Variants in KLHL7 observed in about 807,000 individuals in gnomAD.
The protein encoded by KLHL7 is kelch like family member 7.
A neutral mutation model predicts 67.4 loss-of-function variants in KLHL7; 44 were observed. The ratio of observed to expected loss-of-function variants is 0.65; its 90% confidence interval spans 0.51 to 0.84. KLHL7 has a LOEUF of 0.84. KLHL7 is among the 40% of genes least tolerant of loss of function. The probability of loss-of-function intolerance (pLI) is 0.00; values close to 1 mark genes in which losing one functional copy is unlikely to be tolerated. For missense variants in KLHL7, 362 were observed against 718.1 expected, an observed-to-expected ratio of 0.50 and a Z score of 5.67; for synonymous variants, 252 against 243.3, an observed-to-expected ratio of 1.04 and a Z score of -0.33.
chr7:23,165,382 C>T (rs1452068290), intron 7 of KLHL7, among the ~76,000 whole-genome samples: 1 of 152,082 alleles, frequency 6.6e-6, no homozygotes, highest in Non-Finnish European at 1.5e-5. Flanking sequence ...ATTTTAGAAT[C>T]TTCTTGTATT....
rs556626844 is a variant in KLHL7, at chr7:23,105,796, G to T, written c.-231G>T. On this transcript the variant is annotated 5_prime_UTR_variant, in exon 1 of 11. Transcript: ENST00000339077. ...CCTGGGCAGGGCTCGGGTTCTGCCCGGGGACGCAGCCCAGTTGGTAGCGTC... is the reference window on the plus strand; with the variant it reads ...CCTGGGCAGGGCTCGGGTTCTGCCCTGGGACGCAGCCCAGTTGGTAGCGTC... 3.5e-6 allele frequency: 2 copies of T among 576,590 alleles called. No individual in the cohort carries two copies. The highest frequency in any genetic ancestry group is 6.1e-6 in the Non-Finnish European group (2 of 328,654). The allele number at this position is 576,590 out of a possible 1,614,324, so 35.7% of individuals were successfully genotyped here.
chr7:23,116,978 T>C (rs1783112952), intron 1 of KLHL7, among the ~76,000 whole-genome samples: 1 of 152,136 alleles, frequency 6.6e-6, no homozygotes, highest in Non-Finnish European at 1.5e-5. Flanking sequence ...AACTTAATTG[T>C]AATGGCCTAT....
At chr7:23,110,191 A>C (rs1782807596) in intron 1 of KLHL7, among the ~76,000 whole-genome samples, 3 of 152,234 alleles carry the variant, frequency 2.0e-5, no homozygotes, top group Admixed American at 6.5e-5. Context: ...TCAGCAGATC[A>C]CCTTCTTTTG....
chr7:23,129,586 T>C (rs1783719325), intron 4 of KLHL7: 1 of 204,798 alleles, frequency 4.9e-6, no homozygotes, highest in Non-Finnish European at 9.8e-6. Context: ...TCGACTACAT[T>C]GAATTCAACC....
chr7:23,159,332 TA>T (rs869266033), intron 7 of KLHL7, among the ~76,000 whole-genome samples: 1 of 151,978 alleles, frequency 6.6e-6, no homozygotes, highest in Non-Finnish European at 1.5e-5. Context: ...CATGGCCATT[TA>T]AAAAAAATTT....
At chr7:23,110,118 G>A (rs890233446) in intron 1 of KLHL7, among the ~76,000 whole-genome samples, 11 of 152,188 alleles carry the variant, frequency 7.2e-5, no homozygotes, top group Non-Finnish European at 1.5e-4. Flanking sequence ...ATCAGTGCCC[G>A]TGAGCAATCT....
rs2128454484 is a variant in KLHL7 at position 23,105,874 on chromosome 7, C to G, written c.-153C>G. On this transcript the variant is annotated 5_prime_UTR_variant, in exon 1 of 11. Coordinates refer to ENST00000339077, the MANE Select transcript of KLHL7 (RefSeq NM_001031710.3). ...CCCGGCCTTGTCTTTCGGCAGTGGC[C>G]GAGCCACCGCCGCCTGCCGCGCGTT... 2 of 1,203,682 alleles carry G rather than the reference C, an allele frequency of 1.7e-6. No individual in the cohort carries two copies. The highest frequency in any genetic ancestry group is 2.6e-5 in the East Asian group (1 of 38,896). The allele number at this position is 1,203,682 out of a possible 1,614,324, so 74.6% of individuals were successfully genotyped here. A position where few individuals can be genotyped will look rare whatever the true frequency, so the allele number is the denominator to read the frequency against.
intron 4 of KLHL7, among the ~76,000 whole-genome samples, chr7:23,140,001 A>G (rs1784121800): frequency 6.6e-6 from 1 of 152,090 alleles, no homozygotes; most frequent in South Asian, 2.1e-4. Flanking sequence ...TTGCCCATAA[A>G]CAGTACTTTG....
At chr7:23,158,729 C>A (rs1187947780) in intron 7 of KLHL7, among the ~76,000 whole-genome samples, 1 of 152,204 alleles carries the variant, frequency 6.6e-6, no homozygotes, top group Non-Finnish European at 1.5e-5. Flanking sequence ...TCCTCACACA[C>A]ACAGTGCGTG....
intron 6 of KLHL7, among the ~76,000 whole-genome samples, chr7:23,149,963 C>G (rs1468403406): frequency 2.6e-5 from 4 of 152,120 alleles, no homozygotes; most frequent in Non-Finnish European, 5.9e-5. Flanking sequence ...AATAAAGACC[C>G]AACATAGCCT....
At chr7:23,149,587 A>G (rs1359931444) in intron 6 of KLHL7, among the ~76,000 whole-genome samples, 1 of 152,244 alleles carries the variant, frequency 6.6e-6, no homozygotes, top group African/African-American at 2.4e-5. Context: ...TAGGATTTTC[A>G]ACACACTTCC....
At chr7:23,116,329 C>T (rs1482376743) in intron 1 of KLHL7, among the ~76,000 whole-genome samples, 1 of 152,238 alleles carries the variant, frequency 6.6e-6, no homozygotes, top group Non-Finnish European at 1.5e-5. Flanking sequence ...CAGCATGCTC[C>T]TCAAAACCTT....
chr7:23,167,834 A>G lies in KLHL7; in HGVS notation c.1178-2A>G, dbSNP rs759857784. On this transcript the variant is annotated splice_acceptor_variant, in intron 8 of 10. Coordinates refer to ENST00000339077, the MANE Select transcript of KLHL7 (RefSeq NM_001031710.3). LOFTEE classifies it high-confidence loss of function. ...GCATGATGGGGCCTTTTTCTTTTAC[A>G]GGAAACTCAGCTCTGTATTTATTTG... 6 of 1,613,946 alleles carry G rather than the reference A, an allele frequency of 3.7e-6. No homozygotes were observed. Among genetic ancestry groups the G allele is most frequent in the Admixed American group, 1.7e-5 (1 of 60,002 alleles).
At chr7:23,143,117 C>A (rs758125377) in intron 5 of KLHL7, among the ~76,000 whole-genome samples, 5 of 152,020 alleles carry the variant, frequency 3.3e-5, no homozygotes, top group South Asian at 2.1e-4. Flanking sequence ...AGAAGTTAGG[C>A]CTTATTAATA....
intron 6 of KLHL7, among the ~76,000 whole-genome samples, chr7:23,150,474 G>C (rs2128466510): frequency 6.6e-6 from 1 of 152,070 alleles, no homozygotes; most frequent in African/African-American, 2.4e-5. Context: ...TCTACATCTT[G>C]CTTTTTTTCA....
chr7:23,137,535 G>C (rs949432743), intron 4 of KLHL7, among the ~76,000 whole-genome samples: 7 of 150,548 alleles, frequency 4.6e-5, no homozygotes, highest in African/African-American at 1.7e-4. Flanking sequence ...GTGGAGTGCA[G>C]TGGTGTGATC....
chr7:23,168,640 G>T (rs942383899), intron 9 of KLHL7, among the ~76,000 whole-genome samples: 10 of 152,198 alleles, frequency 6.6e-5, no homozygotes, highest in African/African-American at 2.4e-4. Context: ...AAGGAAATGT[G>T]CTAATCATTG....
chr7:23,148,807 G>A (rs914482136), intron 6 of KLHL7, among the ~76,000 whole-genome samples: 31 of 152,370 alleles, frequency 2.0e-4, no homozygotes, highest in African/African-American at 6.7e-4. Flanking sequence ...AGACACTTGA[G>A]CAGGATGCTT....
At chr7:23,131,842 T>C (rs2063694754) in intron 4 of KLHL7, among the ~76,000 whole-genome samples, 1 of 151,788 alleles carries the variant, frequency 6.6e-6, no homozygotes, top group South Asian at 2.1e-4. Context: ...GATGAGTAGA[T>C]GTAGAAGATG....
Sources: gnomAD v4.1 joint callset for allele counts (sites outside exome capture counted in the v4.1 genomes callset) on GRCh38, gnomAD v4.1.1 for gene constraint, MANE v1.5 for transcripts, NCBI Gene and HGNC (gene_info 2026-07-23, HGNC 2026-07-21) for gene names.